MYO6: variants seen among roughly 807,000 people sequenced by gnomAD.
The protein encoded by MYO6 is myosin VI, also known as unconventional myosin-VI.
In MYO6, 74 loss-of-function variants were observed where a neutral mutation model predicts 178.7. The observed-to-expected ratio is 0.41, with a 90% CI of 0.34 to 0.50. MYO6 has a LOEUF of 0.50. Ranked by LOEUF, MYO6 falls within the 20% of genes least tolerant of loss-of-function variation. MYO6 has a pLI of 0.09. For missense variants in MYO6, 1,330 were observed against 1,547.4 expected (o/e 0.86, Z 2.36); for synonymous variants, 477 against 504.6 (o/e 0.95, Z 0.73).
rs745986505 is a variant in MYO6, at chr6:75,898,360, G to T, written c.3138-13G>T. The T allele has an allele frequency of 6.3e-7, 1 of 1,591,772 alleles. No homozygotes were observed. Among genetic ancestry groups the T allele is most frequent in the Non-Finnish European group, 8.6e-7 (1 of 1,160,142 alleles). On this transcript the variant is annotated splice_polypyrimidine_tract_variant and intron_variant, in intron 29 of 34. Transcript: ENST00000369977. The stretch of plus-strand genomic sequence containing the variant: ...TTTTATGTAACCATATTGTATTATC[G>T]TTTTTCTTGTAGGGAACAAATGGCC...
chr6:75,916,286 G>C lies in MYO6; in HGVS notation c.*1274G>C, dbSNP rs1441295308. The C allele has an allele frequency of 6.6e-6, 1 of 152,188 alleles. No individual in the cohort carries two copies. The highest frequency in any genetic ancestry group is 1.5e-5 in the Non-Finnish European group (1 of 68,004). 9.4% of individuals were successfully genotyped at this position (152,188 alleles called of 1,614,324 possible). On this transcript the variant is annotated 3_prime_UTR_variant, in exon 35 of 35. Coordinates refer to ENST00000369977, the MANE Select transcript of MYO6 (RefSeq NM_004999.4). The stretch of plus-strand genomic sequence containing the variant: ...TTTTAGAGACCCTAACCTTTGAAAT[G>C]AAATTCCAGTGATTTCTTTTTTCCC...
At chr6:75,815,652 C>T (rs937018744) in intron 1 of MYO6, among the ~76,000 whole-genome samples, 5 of 152,192 alleles carry the variant, frequency 3.3e-5, no homozygotes, top group African/African-American at 1.2e-4. Context: ...ATAGGGAAAG[C>T]AACTCACTTT....
At chr6:75,889,405 C>A (rs1176464853) in intron 25 of MYO6, among the ~76,000 whole-genome samples, 2 of 152,060 alleles carry the variant, frequency 1.3e-5, no homozygotes, top group Non-Finnish European at 2.9e-5. Flanking sequence ...CTGATCATTA[C>A]TTAAGAAATA....
At chr6:75,785,473 CTTTT>C (rs11325534) in intron 1 of MYO6, among the ~76,000 whole-genome samples, 1 of 126,536 alleles carries the variant, frequency 7.9e-6, no homozygotes, top group Non-Finnish European at 1.6e-5. Context: ...CTTTTCTTTT[CTTTT>C]TTTTTTTTTT....
At chr6:75,814,793 A>C (rs989209191) in intron 1 of MYO6, among the ~76,000 whole-genome samples, 5 of 151,932 alleles carry the variant, frequency 3.3e-5, no homozygotes, top group African/African-American at 4.8e-5. Flanking sequence ...TGGGAGGTCA[A>C]GGTTGCAGTG....
chr6:75,913,694 C>A (rs1031378653), intron 33 of MYO6, among the ~76,000 whole-genome samples: 1 of 152,114 alleles, frequency 6.6e-6, no homozygotes, highest in Admixed American at 6.5e-5. Flanking sequence ...AATTTGAACT[C>A]TTTACAGGAA....
chr6:75,819,238 T>G (rs1056970335), intron 2 of MYO6, among the ~76,000 whole-genome samples: 1 of 152,224 alleles, frequency 6.6e-6, no homozygotes, highest in Admixed American at 6.5e-5. Flanking sequence ...AAGTTTTTTT[T>G]GAGGATTAAC....
intron 34 of MYO6, 82 bp from the exon 35 acceptor site, chr6:75,914,731 T>G: frequency 7.8e-7 from 1 of 1,283,658 alleles, no homozygotes; most frequent in Non-Finnish European, 1.1e-6. Context: ...CTATGAGAAT[T>G]AATAGGTATT....
chr6:75,801,695 C>T (rs1293834875), intron 1 of MYO6, among the ~76,000 whole-genome samples: 1 of 151,936 alleles, frequency 6.6e-6, no homozygotes, highest in Non-Finnish European at 1.5e-5. Flanking sequence ...AATCCCAGCA[C>T]TTTGGGAGGC....
intron 1 of MYO6, among the ~76,000 whole-genome samples, chr6:75,796,444 T>C (rs2150103068): frequency 6.6e-6 from 1 of 152,296 alleles, no homozygotes; most frequent in East Asian, 1.9e-4. Flanking sequence ...AATTTCACCT[T>C]TTATTTTAGA....
At position 75,863,080 on chromosome 6, in the gene MYO6, ATCCTGTG is replaced by A. The variant is rs370856343; in HGVS notation, c.1674+360_1674+366del. Among the ~76,000 whole-genome samples the A allele has an allele frequency of 5.9e-3, 898 of 152,252 alleles. 5 individuals are homozygous for A. The highest frequency in any genetic ancestry group is 0.017 in the South Asian group (82 of 4,826). ...ACTCCAGCCTGGCCAAAAGAGCAAG[ATCCTGTG>A]TCAAAAAAATAAAAGTACAATGAGA... On this transcript the variant is annotated intron_variant, in intron 16 of 34. Transcript: ENST00000369977.
chr6:75,907,786 G>GTGTA, intron 31 of MYO6, 78 bp downstream of exon 31: 1 of 841,688 alleles, frequency 1.2e-6, no homozygotes, highest in Non-Finnish European at 2.0e-6. Context: ...GGTGAGGTGT[G>GTGTA]TGTGTGTATG....
intron 5 of MYO6, 74 bp from the exon 6 acceptor site, chr6:75,832,768 C>T (rs1048941658): frequency 2.3e-6 from 2 of 885,754 alleles, no homozygotes; most frequent in African/African-American, 3.3e-5. Flanking sequence ...AGTAAGTGGT[C>T]CTAAAGTGAA....
chr6:75,911,036 A>G (rs1009446682), intron 32 of MYO6, among the ~76,000 whole-genome samples: 2 of 152,104 alleles, frequency 1.3e-5, no homozygotes, highest in African/African-American at 4.8e-5. Flanking sequence ...TCTTCCTGGT[A>G]CAGTCCTGGA....
chr6:75,821,337 A>AT (rs1771849601), intron 2 of MYO6, among the ~76,000 whole-genome samples: 1 of 152,184 alleles, frequency 6.6e-6, no homozygotes, highest in Non-Finnish European at 1.5e-5. Context: ...ACATACATAT[A>AT]TGACATTAGC....
At chr6:75,828,311 A>G (rs1377587710) in intron 3 of MYO6, among the ~76,000 whole-genome samples, 1 of 152,100 alleles carries the variant, frequency 6.6e-6, no homozygotes, top group Non-Finnish European at 1.5e-5. Context: ...TTACTCTTTT[A>G]GTTGAAAATT....
intron 7 of MYO6, among the ~76,000 whole-genome samples, chr6:75,839,416 C>T (rs553579872): frequency 6.6e-6 from 1 of 152,176 alleles, no homozygotes; most frequent in Non-Finnish European, 1.5e-5. Flanking sequence ...TCTCGATCTT[C>T]AGCCCTCGAG....
chr6:75,905,848 A>G (rs993304072), intron 30 of MYO6, among the ~76,000 whole-genome samples: 2 of 152,246 alleles, frequency 1.3e-5, no homozygotes, highest in African/African-American at 4.8e-5. Context: ...TCTAGAATGA[A>G]AGCATACAGA....
chr6:75,816,486 C>T (rs776393709), intron 1 of MYO6, among the ~76,000 whole-genome samples: 4 of 152,340 alleles, frequency 2.6e-5, no homozygotes, highest in East Asian at 3.9e-4. Context: ...GCATTCTAGG[C>T]GTAAGCTACC....
Sources: gnomAD v4.1 joint callset for allele counts (sites outside exome capture counted in the v4.1 genomes callset) on GRCh38, gnomAD v4.1.1 for gene constraint, MANE v1.5 for transcripts, NCBI Gene and HGNC (gene_info 2026-07-23, HGNC 2026-07-21) for gene names.